The following CLYBL variants were observed in gnomAD, a reference collection of about 807,000 sequenced individuals.
The protein encoded by CLYBL is citramalyl-CoA lyase.
Under a neutral mutation model 38.9 loss-of-function variants are expected in CLYBL, and 31 were observed. That is an observed-to-expected ratio of 0.80 (90% CI 0.60 to 1.08). The LOEUF (loss-of-function observed/expected upper bound fraction) is 1.08. Among genes scored for constraint, CLYBL ranks in the 50% least tolerant of loss-of-function variants. The pLI is 0.00. For missense variants in CLYBL, 434 were observed against 411.6 expected, an observed-to-expected ratio of 1.05 and a Z score of -0.47; for synonymous variants, 171 against 158.6, an observed-to-expected ratio of 1.08 and a Z score of -0.59.
chr13:99,722,233 T>C (rs1197605624), intron 1 of CLYBL, among the ~76,000 whole-genome samples: 1 of 152,184 alleles, frequency 6.6e-6, no homozygotes, highest in Non-Finnish European at 1.5e-5. Flanking sequence ...TGCACAGTCC[T>C]GGCTGGTGTC....
rs150099870 is a variant in CLYBL at position 99,803,514 on chromosome 13, A to C, written c.249+30504A>C. Among the ~76,000 whole-genome samples, 4 of 152,366 alleles carry C rather than the reference A, an allele frequency of 2.6e-5. No individual in the cohort carries two copies. In the East Asian group the frequency reaches 7.7e-4, roughly 29 times the overall value. ...GAAAAGGAACTGCAGTGGAAAGCCT[A>C]TGGGCTTTGGTGTCCAATACATTGG... On this transcript the variant is annotated intron_variant, in intron 2 of 8. Coordinates refer to ENST00000339105, the MANE Select transcript of CLYBL (RefSeq NM_206808.5).
chr13:99,811,997 A>G (rs1401918051), intron 2 of CLYBL, among the ~76,000 whole-genome samples: 1 of 152,218 alleles, frequency 6.6e-6, no homozygotes, highest in Non-Finnish European at 1.5e-5. Context: ...TCCTGTATCC[A>G]CTATTCCAAA....
At position 99,713,086 on chromosome 13, in the gene CLYBL, A is replaced by G. The variant is rs191583730; in HGVS notation, c.63-59738A>G. Among the ~76,000 whole-genome samples, 96 of 152,218 alleles carry G rather than the reference A, an allele frequency of 6.3e-4. 1 individual carries two copies. In the South Asian group the frequency reaches 8.9e-3, roughly 14 times the overall value. On this transcript the variant is annotated intron_variant, in intron 1 of 8. Coordinates refer to ENST00000339105, the MANE Select transcript of CLYBL (RefSeq NM_206808.5). ...GGCATTGCTCCCTTTTTTGCTTCTAATGCTGCCATTGCTTTAAAATGGTGC... is the reference window on the plus strand; with the variant it reads ...GGCATTGCTCCCTTTTTTGCTTCTAGTGCTGCCATTGCTTTAAAATGGTGC...
At chr13:99,772,803 C>T (rs1389052390) in intron 1 of CLYBL, 21 bp from the exon 2 acceptor site, 1 of 1,567,874 alleles carries the variant, frequency 6.4e-7, no homozygotes, top group Non-Finnish European at 8.6e-7. Context: ...TCTGGACTAA[C>T]CCCAATCACG....
exon 9 of CLYBL, among the ~76,000 whole-genome samples, chr13:99,905,310 C>T (rs1391867552): frequency 1.3e-5 from 2 of 152,130 alleles, no homozygotes; most frequent in Admixed American, 1.3e-4. Context: ...AGAGTTACAA[C>T]AAGAGGGTAA....
At chr13:99,791,366 AAAAAC>A (rs994719155) in intron 2 of CLYBL, among the ~76,000 whole-genome samples, 2 of 152,078 alleles carry the variant, frequency 1.3e-5, no homozygotes, top group Non-Finnish European at 2.9e-5. Context: ...TTTTTAAAAA[AAAAAC>A]AAACAAAAAA....
intron 1 of CLYBL, among the ~76,000 whole-genome samples, chr13:99,654,613 A>T (rs2047301995): frequency 6.6e-6 from 1 of 152,186 alleles, no homozygotes. Context: ...TTGGGTGAAA[A>T]TGAAGGTGGG....
intron 1 of CLYBL, among the ~76,000 whole-genome samples, chr13:99,633,775 T>G (rs1451817180): frequency 6.6e-6 from 1 of 152,046 alleles, no homozygotes; most frequent in East Asian, 1.9e-4. Context: ...AAATAGAAAT[T>G]TTTACCAGTA....
At chr13:99,674,664 C>T (rs1039175507) in intron 1 of CLYBL, among the ~76,000 whole-genome samples, 2 of 152,074 alleles carry the variant, frequency 1.3e-5, no homozygotes, top group Non-Finnish European at 1.5e-5. Context: ...TATTTTCTGT[C>T]TTAATGTTGG....
In CLYBL at chr13:99,774,132, C is replaced by T. The variant is rs540269517; in HGVS notation, c.249+1122C>T. 3.9e-5 allele frequency among the ~76,000 whole-genome samples: 6 copies of T among 151,998 alleles called. No homozygotes were observed. The South Asian group carries it at 1.0e-3, about 26-fold the overall frequency. ...CCTGTAGTCCCAGCTACTCAGGAGG[C>T]TGAGGTGGTAGAATCACGTGAGCCC... On this transcript the variant is annotated intron_variant, in intron 2 of 8. Coordinates refer to ENST00000339105, the MANE Select transcript of CLYBL (RefSeq NM_206808.5).
At chr13:99,722,326 A>T (rs535502956) in intron 1 of CLYBL, among the ~76,000 whole-genome samples, 2 of 152,084 alleles carry the variant, frequency 1.3e-5, no homozygotes, top group South Asian at 4.1e-4. Context: ...ATCAGCTTGG[A>T]GGTTTCCTCC....
intron 1 of CLYBL, among the ~76,000 whole-genome samples, chr13:99,667,322 A>G (rs1388198449): frequency 6.6e-6 from 1 of 151,980 alleles, no homozygotes; most frequent in Non-Finnish European, 1.5e-5. Flanking sequence ...TGTCATTTTC[A>G]TCATAAATCT....
At chr13:99,837,364 C>G (rs1031974492) in intron 2 of CLYBL, among the ~76,000 whole-genome samples, 1 of 152,130 alleles carries the variant, frequency 6.6e-6, no homozygotes, top group African/African-American at 2.4e-5. Context: ...GTGGGTGGAT[C>G]GTTTGGGCCT....
At chr13:99,635,621 C>T (rs868602834) in intron 1 of CLYBL, among the ~76,000 whole-genome samples, 1 of 152,314 alleles carries the variant, frequency 6.6e-6, no homozygotes. Flanking sequence ...TTACCTATTC[C>T]CTAGCATGCT....
chr13:99,824,836 C>T (rs146439194), intron 2 of CLYBL, among the ~76,000 whole-genome samples: 396 of 152,282 alleles, frequency 2.6e-3, no homozygotes, highest in African/African-American at 9.1e-3. Flanking sequence ...AAGTTGGCTC[C>T]GCCGGTGATG....
At position 99,646,254 on chromosome 13, in the gene CLYBL, T is replaced by TA. The variant is rs1423476645; in HGVS notation, c.62+39499dup. On this transcript the variant is annotated intron_variant, in intron 1 of 8. Coordinates refer to ENST00000339105, the MANE Select transcript of CLYBL (RefSeq NM_206808.5). ...TTCAGTAGTAAATCTACTTGTACCT[T>TA]AAGCAGTCATCGCACTCCTTTAGCC... 3.9e-5 allele frequency among the ~76,000 whole-genome samples: 6 copies of TA among 152,292 alleles called. No individual in the cohort carries two copies. The East Asian group carries it at 1.2e-3, about 29-fold the overall frequency.
chr13:99,787,226 G>T lies in CLYBL; in HGVS notation c.249+14216G>T, dbSNP rs186892880. The stretch of plus-strand genomic sequence containing the variant: ...AATTAGATCCCATTTGTCAATTTTG[G>T]CTTTTGTTGCCATTGTTTTTGGTGT... On this transcript the variant is annotated intron_variant, in intron 2 of 8. Transcript: ENST00000339105. Among the ~76,000 whole-genome samples the T allele has an allele frequency of 2.7e-3, 409 of 152,098 alleles. 6 individuals are homozygous for T. Among genetic ancestry groups the T allele is most frequent in the Non-Finnish European group, 2.1e-3 (141 of 67,992 alleles).
intron 1 of CLYBL, among the ~76,000 whole-genome samples, chr13:99,647,594 C>T (rs1310172911): frequency 6.6e-6 from 1 of 152,176 alleles, no homozygotes; most frequent in Non-Finnish European, 1.5e-5. Context: ...AGATTTAGGA[C>T]AGTTAAAATG....
At chr13:99,627,390 C>G (rs1259926477) in intron 1 of CLYBL, among the ~76,000 whole-genome samples, 4 of 152,156 alleles carry the variant, frequency 2.6e-5, no homozygotes, top group African/African-American at 9.6e-5. Flanking sequence ...GTGTTATATC[C>G]TTAGTTGTTG....
Sources: allele counts gnomAD v4.1 joint callset (sites outside exome capture counted in the v4.1 genomes callset), GRCh38; gene constraint gnomAD v4.1.1; transcripts MANE v1.5; gene names NCBI Gene and HGNC (gene_info 2026-07-23, HGNC 2026-07-21).